Variants in TTC5 observed in about 807,000 individuals in gnomAD.
The protein encoded by TTC5 is tetratricopeptide repeat domain 5, also known as tetratricopeptide repeat protein 5.
TTC5 carries 46 observed loss-of-function variants against 57.4 expected under a neutral mutation model. The ratio of observed to expected loss-of-function variants is 0.80; its 90% confidence interval spans 0.63 to 1.03. The LOEUF is 1.03. TTC5 is among the 50% of genes least tolerant of loss of function. The probability of loss-of-function intolerance (pLI) is 0.00; values close to 1 mark genes in which losing one functional copy is unlikely to be tolerated. For missense variants in TTC5, 504 were observed against 528.1 expected, an observed-to-expected ratio of 0.95 and a Z score of 0.45; for synonymous variants, 190 against 203.5, an observed-to-expected ratio of 0.93 and a Z score of 0.57.
intron 8 of TTC5, 96 bp downstream of exon 8, chr14:20,295,216 G>A: frequency 8.9e-7 from 1 of 1,121,656 alleles, no homozygotes; most frequent in East Asian, 2.4e-5. Context: ...ACAAATCTGT[G>A]ACCACTGACA....
chr14:20,299,818 G>A (rs964405405), intron 3 of TTC5, among the ~76,000 whole-genome samples: 6 of 151,528 alleles, frequency 4.0e-5, no homozygotes, highest in South Asian at 2.1e-4. Flanking sequence ...CTCCCAAAGC[G>A]CGGGATTACA....
chr14:20,292,783 A>C (rs536367006), intron 8 of TTC5: 1 of 152,332 alleles, frequency 6.6e-6, no homozygotes, highest in African/African-American at 2.4e-5. Context: ...CAAATATCTA[A>C]ATCAAAATTG....
intron 9 of TTC5, among the ~76,000 whole-genome samples, 198 bp from the exon 10 acceptor site, chr14:20,289,944 A>G (rs149926308): frequency 1.3e-5 from 2 of 152,356 alleles, no homozygotes; most frequent in African/African-American, 4.8e-5. Flanking sequence ...GAAGGAAAAC[A>G]TGGAGCATGT....
At chr14:20,299,836 G>A (rs1341334996) in intron 3 of TTC5, among the ~76,000 whole-genome samples, 5 of 150,770 alleles carry the variant, frequency 3.3e-5, no homozygotes. Context: ...ACAGGTGTGA[G>A]CCACCACGCC....
At chr14:20,295,892 G>C (rs1157616178) in intron 6 of TTC5, 38 bp from the exon 7 acceptor site, 1 of 1,520,170 alleles carries the variant, frequency 6.6e-7, no homozygotes, top group Non-Finnish European at 8.8e-7. Context: ...AGTATATCCA[G>C]ACAAACTATC....
chr14:20,301,883 T>A lies in TTC5; in HGVS notation c.134A>T (p.Asp45Val). The A allele has an allele frequency of 6.2e-7, 1 of 1,614,066 alleles. No individual in the cohort carries two copies. The highest frequency in any genetic ancestry group is 8.5e-7 in the Non-Finnish European group (1 of 1,179,976). ...GGTTTTCTCCATCTCCTTCTGCACA[T>A]CCTGTTGCTTCCTCCCAGCATCCTC... is the stretch of plus-strand genomic sequence containing the variant. The part of the protein sequence containing the change: ...SVEDAGRKQQ[D>V]VQKEMEKTLQ... Residue 45 changes from aspartate to valine, a missense_variant, in exon 2 of 10, where the codon GAT becomes GTT. Physicochemically the swap from Asp to Val is radical, Grantham distance 152 (BLOSUM62 -3). Coordinates refer to ENST00000258821, the MANE Select transcript of TTC5 (RefSeq NM_138376.3).
rs1259083369 is a variant in TTC5, at chr14:20,287,092, A to G, written c.*2535T>C. On this transcript the variant is annotated 3_prime_UTR_variant, in exon 10 of 10. Transcript: ENST00000258821. ...TGGAAATGTTTAGTGCTTCTCAAAA[A>G]AGTTGAACATGTATATACTCTATGA... 6.6e-6 allele frequency: 1 copy of G among 152,184 alleles called. No homozygotes were observed. The highest frequency in any genetic ancestry group is 1.5e-5 in the Non-Finnish European group (1 of 68,032). 9.4% of individuals were successfully genotyped at this position (152,184 alleles called of 1,614,324 possible).
chr14:20,300,651 C>T lies in TTC5; in HGVS notation c.352G>A (p.Asp118Asn), dbSNP rs1263892797. The T allele has an allele frequency of 1.2e-6, 2 of 1,613,946 alleles. No homozygotes were observed. The highest frequency in any genetic ancestry group is 2.2e-5 in the East Asian group (1 of 44,872). The change falls in exon 3 of 10, where the codon GAT becomes AAT. Residue 118 changes from aspartate to asparagine, a missense_variant. Physicochemically the swap from Asp to Asn is conservative, Grantham distance 23. Transcript: ENST00000258821. ...QLGEVYWKKG[D>N]VAAAHTCFSG... ...AAGCAGGTGTGGGCAGCTGCAACATCCCCTTTTTTCCAGTACACCTCACCC... is the reference window on the plus strand; with the variant it reads ...AAGCAGGTGTGGGCAGCTGCAACATTCCCTTTTTTCCAGTACACCTCACCC...
rs748163585 is a variant in TTC5 at position 20,295,472 on chromosome 14, G to A, written c.898C>T (p.His300Tyr). ...QSMLGSLRPA[H>Y]LGPCSDGHYQ... ...TGCCCATCACTGCAAGGGCCTAGATGGGCTGGGCGCAAGCTTCCCAGCATG... is the reference window on the plus strand; with the variant it reads ...TGCCCATCACTGCAAGGGCCTAGATAGGCTGGGCGCAAGCTTCCCAGCATG... Residue 300 changes from histidine (H) to tyrosine (Y), a missense_variant, in exon 8 of 10, where the codon CAT becomes TAT. Transcript: ENST00000258821. 3.7e-6 allele frequency: 6 copies of A among 1,614,002 alleles called. No individual in the cohort carries two copies. Among genetic ancestry groups the A allele is most frequent in the Non-Finnish European group, 5.1e-6 (6 of 1,179,964 alleles).
chr14:20,305,167 A>G (rs1882265323), intron 1 of TTC5, among the ~76,000 whole-genome samples: 1 of 152,212 alleles, frequency 6.6e-6, no homozygotes, highest in South Asian at 2.1e-4. Flanking sequence ...TTTCACCAGT[A>G]TTTAAATTTG....
intron 1 of TTC5, 29 bp downstream of exon 1, chr14:20,305,856 AAC>A: frequency 6.2e-7 from 1 of 1,611,010 alleles, no homozygotes; most frequent in Non-Finnish European, 8.5e-7. Flanking sequence ...GAGTAACAAA[AAC>A]ACATACAGAA....
Position 20,295,727 on chromosome 14 carries a change from G to A in TTC5, c.824C>T (p.Thr275Ile), listed in dbSNP as rs778722000. ...QQLLEFLDRLTSLLESKGKVK... is the reference protein window; with the variant it reads ...QQLLEFLDRLISLLESKGKVK... ...TTTTACCTTACTCTCAAGGAGGCTG[G>A]TTAATCTATCCAGGAATTCCAGAAG... The change falls in exon 7 of 10, where the codon ACC becomes ATC. Residue 275 changes from threonine to isoleucine, a missense_variant. By Grantham distance (89) the Thr-to-Ile change is moderately conservative. Coordinates refer to ENST00000258821, the MANE Select transcript of TTC5 (RefSeq NM_138376.3). 2.5e-6 allele frequency: 4 copies of A among 1,613,100 alleles called. No homozygotes were observed. In the East Asian group the frequency reaches 6.7e-5, roughly 27 times the overall value.
intron 8 of TTC5, chr14:20,294,583 G>A (rs933292494): frequency 1.3e-5 from 2 of 152,160 alleles, no homozygotes; most frequent in African/African-American, 4.8e-5. Flanking sequence ...GAAGTTGCTG[G>A]ATCCAGTGCC....
At chr14:20,292,196 A>C in intron 8 of TTC5, 69 bp from the exon 9 acceptor site, 1 of 1,205,400 alleles carries the variant, frequency 8.3e-7, no homozygotes. Context: ...AAGAGCAGAA[A>C]CAGTGGTTTA....
In TTC5 at chr14:20,288,403, G is replaced by A. The variant is rs933421150; in HGVS notation, c.*1224C>T. 2.0e-5 allele frequency: 3 copies of A among 152,270 alleles called. No homozygotes were observed. Among genetic ancestry groups the A allele is most frequent in the African/African-American group, 7.2e-5 (3 of 41,454 alleles). 9.4% of individuals were successfully genotyped at this position (152,270 alleles called of 1,614,324 possible). A position where few individuals can be genotyped will look rare whatever the true frequency, so the allele number is the denominator to read the frequency against. On this transcript the variant is annotated 3_prime_UTR_variant, in exon 10 of 10. Transcript: ENST00000258821. The stretch of plus-strand genomic sequence containing the variant: ...TCTCAATTCATCTGTATACATTAAT[G>A]TATTACAGCCATTCAGTTGTTGTTG...
At chr14:20,303,666 TA>T (rs966158622) in intron 1 of TTC5, among the ~76,000 whole-genome samples, 2 of 135,212 alleles carry the variant, frequency 1.5e-5, no homozygotes, top group Admixed American at 1.5e-4. Flanking sequence ...AGTGATCTTA[TA>T]AAAAACGTAC....
intron 8 of TTC5, chr14:20,292,434 A>C (rs1228310810): frequency 6.0e-6 from 1 of 167,258 alleles, no homozygotes; most frequent in Admixed American, 6.3e-5. Flanking sequence ...GACAAAGCAC[A>C]CTGAAGCCAT....
chr14:20,294,001 T>C (rs538279191), intron 8 of TTC5: 5 of 152,318 alleles, frequency 3.3e-5, no homozygotes, highest in East Asian at 1.9e-4. Context: ...CTTGGGTTTA[T>C]ATGACATCAC....
intron 5 of TTC5, among the ~76,000 whole-genome samples, chr14:20,297,915 G>A (rs989904710): frequency 9.9e-5 from 15 of 152,106 alleles, no homozygotes; most frequent in African/African-American, 2.4e-4. Context: ...TAAAAGTTCC[G>A]TGATTGAAAA....
Sources: allele counts gnomAD v4.1 joint callset (sites outside exome capture counted in the v4.1 genomes callset), GRCh38; gene constraint gnomAD v4.1.1; transcripts MANE v1.5; gene names NCBI Gene and HGNC (gene_info 2026-07-23, HGNC 2026-07-21).